Variants in ZMYM2 observed in about 807,000 individuals in gnomAD.
The protein encoded by ZMYM2 is zinc finger MYM-type containing 2.
Under a neutral mutation model 162.8 loss-of-function variants are expected in ZMYM2, and 56 were observed. That is an observed-to-expected ratio of 0.34 (90% confidence interval 0.28 to 0.43). The LOEUF (loss-of-function observed/expected upper bound fraction) is 0.43. Ranked by LOEUF, ZMYM2 falls within the 20% of genes least tolerant of loss-of-function variation. ZMYM2 has a pLI of 1.00. For missense variants in ZMYM2, 1,275 were observed against 1,621.8 expected (o/e 0.79, Z 3.67); for synonymous variants, 510 against 541.6 (o/e 0.94, Z 0.81).
the ZMYM2 span, among the ~76,000 whole-genome samples, chr13:19,937,909 A>C: frequency 6.6e-6 from 1 of 151,246 alleles, no homozygotes; most frequent in Non-Finnish European, 1.5e-5. Context: ...TGTCCTTGCG[A>C]TAGTTTGCTG....
At chr13:19,974,544 C>T (rs1439091521) in intron 2 of ZMYM2, among the ~76,000 whole-genome samples, 2 of 149,558 alleles carry the variant, frequency 1.3e-5, no homozygotes, top group East Asian at 2.0e-4. Flanking sequence ...GGTGTGATCT[C>T]GGCTCTCTGC....
At chr13:19,910,464 AT>A in the ZMYM2 span, among the ~76,000 whole-genome samples, 1 of 151,714 alleles carries the variant, frequency 6.6e-6, no homozygotes. Flanking sequence ...GTTAGAGTGG[AT>A]TTGTCATTCA....
upstream of ZMYM2, among the ~76,000 whole-genome samples, chr13:19,956,522 C>T (rs1954524934): frequency 6.6e-6 from 1 of 152,176 alleles, no homozygotes; most frequent in Admixed American, 6.5e-5. Context: ...CTTCCCAGTT[C>T]TAAATTCTCA....
At position 19,995,642 on chromosome 13, in the gene ZMYM2, G is replaced by A. The variant is rs1023958998; in HGVS notation, c.847+1723G>A. Among the ~76,000 whole-genome samples, 12 of 152,122 alleles carry A rather than the reference G, an allele frequency of 7.9e-5. 1 individual carries two copies. Among genetic ancestry groups the A allele is most frequent in the Admixed American group, 5.9e-4 (9 of 15,274 alleles). Reference sequence around the variant, plus strand: ...GATCCATCTGCCTTGGCCTCTCAAAGTTCTGGGATTACAGGTGTGAGCCAC... The same window carrying A: ...GATCCATCTGCCTTGGCCTCTCAAAATTCTGGGATTACAGGTGTGAGCCAC... On this transcript the variant is annotated intron_variant, in intron 3 of 24. Coordinates refer to ENST00000610343, the MANE Select transcript of ZMYM2 (RefSeq NM_197968.4).
intron 21 of ZMYM2, among the ~76,000 whole-genome samples, chr13:20,074,566 TC>T (rs1957347584): frequency 7.1e-6 from 1 of 141,412 alleles, no homozygotes; most frequent in African/African-American, 2.7e-5. Flanking sequence ...TGAGACGGAG[TC>T]TTACTCTGTC....
chr13:19,931,475 C>T, the ZMYM2 span, among the ~76,000 whole-genome samples: 1 of 152,086 alleles, frequency 6.6e-6, no homozygotes, highest in East Asian at 1.9e-4. Context: ...TTCACCTATC[C>T]GTCCCTCCCT....
At chr13:19,896,871 G>A in the ZMYM2 span, among the ~76,000 whole-genome samples, 3 of 150,572 alleles carry the variant, frequency 2.0e-5, no homozygotes, top group Non-Finnish European at 2.9e-5. Context: ...TCAGGAGTTC[G>A]AGACCAGCCT....
intron 12 of ZMYM2, among the ~76,000 whole-genome samples, chr13:20,043,837 A>C (rs1954510635): frequency 6.6e-6 from 1 of 152,034 alleles, no homozygotes. Flanking sequence ...CATGGGCCCC[A>C]GGGGAAGCTG....
At chr13:20,023,474 C>T (rs992225707) in intron 7 of ZMYM2, among the ~76,000 whole-genome samples, 1 of 152,044 alleles carries the variant, frequency 6.6e-6, no homozygotes, top group Non-Finnish European at 1.5e-5. Context: ...TTGACATTCA[C>T]GTGAAATTGG....
At chr13:19,893,214 T>C in the ZMYM2 span, among the ~76,000 whole-genome samples, 2 of 140,818 alleles carry the variant, frequency 1.4e-5, no homozygotes, top group Admixed American at 7.0e-5. Context: ...GGGCCGATCA[T>C]GAGGTCAGGA....
At chr13:20,063,134 TG>T (rs1293627770) in intron 18 of ZMYM2, among the ~76,000 whole-genome samples, 163 bp downstream of exon 18, 5 of 152,282 alleles carry the variant, frequency 3.3e-5, no homozygotes, top group Non-Finnish European at 7.4e-5. Context: ...ATTTTGTTGT[TG>T]TTTTTTTTTA....
intron 7 of ZMYM2, among the ~76,000 whole-genome samples, chr13:20,022,222 C>T (rs1361323012): frequency 1.3e-5 from 2 of 152,142 alleles, no homozygotes; most frequent in East Asian, 3.8e-4. Flanking sequence ...CTGCTTTAAT[C>T]TAAATAGTTC....
At chr13:20,028,907 C>T (rs985544261) in intron 9 of ZMYM2, among the ~76,000 whole-genome samples, 2 of 151,628 alleles carry the variant, frequency 1.3e-5, no homozygotes, top group African/African-American at 4.8e-5. Flanking sequence ...AGGAATACAT[C>T]CAGATAGGCC....
chr13:19,938,001 A>G, the ZMYM2 span, among the ~76,000 whole-genome samples: 2 of 151,970 alleles, frequency 1.3e-5, no homozygotes, highest in Non-Finnish European at 2.9e-5. Context: ...TATGTGCTGC[A>G]TAGTATTCCA....
At chr13:20,046,273 G>A (rs1954771455) in intron 12 of ZMYM2, among the ~76,000 whole-genome samples, 1 of 151,682 alleles carries the variant, frequency 6.6e-6, no homozygotes, top group Non-Finnish European at 1.5e-5. Flanking sequence ...ATTACTGAGA[G>A]CGGTGGCTCA....
intron 21 of ZMYM2, chr13:20,068,482 T>G (rs1161921125): frequency 6.4e-6 from 1 of 156,630 alleles, no homozygotes; most frequent in East Asian, 1.7e-4. Context: ...CACACCACTC[T>G]AGGAATATTA....
the ZMYM2 span, among the ~76,000 whole-genome samples, chr13:19,938,282 G>A: frequency 5.9e-5 from 9 of 152,068 alleles, no homozygotes; most frequent in South Asian, 2.1e-4. Context: ...TGAGGTGGGC[G>A]GATCACCTGA....
chr13:20,051,974 G>A (rs549225934), intron 13 of ZMYM2, among the ~76,000 whole-genome samples: 5 of 151,994 alleles, frequency 3.3e-5, no homozygotes, highest in Non-Finnish European at 7.4e-5. Flanking sequence ...AACAAAAACC[G>A]TTTAGAAGCT....
intron 2 of ZMYM2, among the ~76,000 whole-genome samples, chr13:19,981,290 AAAAC>A (rs202205367): frequency 0.033 from 4,563 of 139,170 alleles, 198 homozygotes; most frequent in African/African-American, 0.13. Flanking sequence ...GAAAAAACAA[AAAAC>A]AAACAAACAA....
Sources: allele counts gnomAD v4.1 joint callset (sites outside exome capture counted in the v4.1 genomes callset), GRCh38; gene constraint gnomAD v4.1.1; transcripts MANE v1.5; gene names NCBI Gene and HGNC (gene_info 2026-07-23, HGNC 2026-07-21).